GMDS: variants seen among roughly 807,000 people sequenced by gnomAD.
GMDS encodes GDP-mannose 4,6 dehydratase.
A neutral mutation model predicts 49.9 loss-of-function variants in GMDS; 20 were observed. The observed-to-expected ratio is 0.40, with a 90% confidence interval of 0.28 to 0.58. The LOEUF is 0.58. Ranked by LOEUF, GMDS falls within the 20% of genes least tolerant of loss-of-function variation. The probability of loss-of-function intolerance (pLI) is 0.42; values close to 1 mark genes in which losing one functional copy is unlikely to be tolerated. For missense variants in GMDS, 362 were observed against 481.4 expected, an observed-to-expected ratio of 0.75 and a Z score of 2.32; for synonymous variants, 177 against 178.6, an observed-to-expected ratio of 0.99 and a Z score of 0.07.
intron 7 of GMDS, among the ~76,000 whole-genome samples, chr6:1,777,801 G>T (rs1308767914): frequency 6.6e-6 from 1 of 152,170 alleles, no homozygotes; most frequent in African/African-American, 2.4e-5. Flanking sequence ...AATGCAAACT[G>T]TTCTCAGCAG....
intron 4 of GMDS, among the ~76,000 whole-genome samples, chr6:2,014,460 T>A (rs947609558): frequency 6.6e-6 from 1 of 152,124 alleles, no homozygotes; most frequent in African/African-American, 2.4e-5. Context: ...TACTCTGTTA[T>A]AAAGTACATG....
chr6:2,127,557 C>A (rs928570621), intron 1 of GMDS, among the ~76,000 whole-genome samples: 4 of 152,234 alleles, frequency 2.6e-5, no homozygotes, highest in Admixed American at 2.0e-4. Flanking sequence ...GCTTCTCAGA[C>A]TTTCCAACCA....
chr6:2,046,132 G>C (rs1156725718), intron 4 of GMDS, among the ~76,000 whole-genome samples: 1 of 152,158 alleles, frequency 6.6e-6, no homozygotes, highest in Non-Finnish European at 1.5e-5. Flanking sequence ...AGGATCGCTT[G>C]AGCCCAGGGA....
At chr6:2,179,975 G>A (rs1778448543) in intron 1 of GMDS, among the ~76,000 whole-genome samples, 1 of 147,930 alleles carries the variant, frequency 6.8e-6, no homozygotes, top group South Asian at 2.3e-4. Flanking sequence ...AGATGAGAAA[G>A]ATGCATTGTA....
rs192191277 is a variant in GMDS, at chr6:1,971,825, G to A, written c.346-10859C>T. Among the ~76,000 whole-genome samples the A allele has an allele frequency of 7.2e-5, 11 of 152,306 alleles. No homozygotes were observed. The East Asian group carries it at 1.2e-3, about 16-fold the overall frequency. On this transcript the variant is annotated intron_variant, in intron 4 of 10. Coordinates refer to ENST00000380815, the MANE Select transcript of GMDS (RefSeq NM_001500.4). Reference sequence around the variant, plus strand: ...GTGTTTACATTTTAGCCACAGAGGCGAATTGGAGCTCTCACAAGTCAGAGT... The same window carrying A: ...GTGTTTACATTTTAGCCACAGAGGCAAATTGGAGCTCTCACAAGTCAGAGT...
At chr6:2,244,715 C>T (rs1384517812) in intron 1 of GMDS, among the ~76,000 whole-genome samples, 1 of 152,188 alleles carries the variant, frequency 6.6e-6, no homozygotes, top group Non-Finnish European at 1.5e-5. Flanking sequence ...ATGTGTCAAC[C>T]TGAATCTCAG....
chr6:2,151,614 AC>A (rs1450961060), intron 1 of GMDS, among the ~76,000 whole-genome samples: 2 of 152,078 alleles, frequency 1.3e-5, no homozygotes, highest in African/African-American at 4.8e-5. Context: ...CAGTATTATC[AC>A]CAGTACTGTT....
chr6:1,707,682 A>G (rs1211320652), intron 9 of GMDS, among the ~76,000 whole-genome samples: 1 of 152,126 alleles, frequency 6.6e-6, no homozygotes, highest in Non-Finnish European at 1.5e-5. Context: ...GCAGCCTGGC[A>G]TGGCCCACCA....
intron 9 of GMDS, among the ~76,000 whole-genome samples, chr6:1,664,410 C>T (rs145830294): frequency 6.6e-6 from 1 of 152,340 alleles, no homozygotes; most frequent in Non-Finnish European, 1.5e-5. Context: ...AGTGTTCTTA[C>T]AACTTCATCG....
intron 7 of GMDS, among the ~76,000 whole-genome samples, chr6:1,898,373 T>C (rs1283040376): frequency 6.6e-6 from 1 of 152,246 alleles, no homozygotes; most frequent in African/African-American, 2.4e-5. Context: ...TTGAGTCTCT[T>C]TAAGATGAGG....
intron 9 of GMDS, among the ~76,000 whole-genome samples, chr6:1,676,854 T>C (rs1764640705): frequency 6.6e-6 from 1 of 152,134 alleles, no homozygotes; most frequent in South Asian, 2.1e-4. Context: ...GGCAATACCA[T>C]TCAGGACATA....
intron 7 of GMDS, among the ~76,000 whole-genome samples, chr6:1,855,278 A>G (rs902956621): frequency 3.3e-5 from 5 of 152,200 alleles, no homozygotes; most frequent in African/African-American, 1.2e-4. Context: ...ATTCACATCA[A>G]CATCTTCTCT....
At chr6:2,000,936 T>C (rs543601431) in intron 4 of GMDS, among the ~76,000 whole-genome samples, 1 of 152,360 alleles carries the variant, frequency 6.6e-6, no homozygotes, top group East Asian at 1.9e-4. Flanking sequence ...TTTTAGCTGC[T>C]ATGAGTAGCA....
At chr6:2,231,697 G>T (rs1347202125) in intron 1 of GMDS, among the ~76,000 whole-genome samples, 2 of 152,300 alleles carry the variant, frequency 1.3e-5, no homozygotes, top group East Asian at 1.9e-4. Context: ...CAGGAAGAAT[G>T]AAGTATTATA....
chr6:1,748,736 T>C (rs1464847262), intron 7 of GMDS, among the ~76,000 whole-genome samples: 3 of 152,266 alleles, frequency 2.0e-5, no homozygotes, highest in Non-Finnish European at 2.9e-5. Context: ...ATAAAACAGT[T>C]ACAGGGCCCA....
chr6:1,807,888 A>G (rs1348353741), intron 7 of GMDS, among the ~76,000 whole-genome samples: 1 of 152,232 alleles, frequency 6.6e-6, no homozygotes, highest in African/African-American at 2.4e-5. Flanking sequence ...AAAAAATTAT[A>G]AACTGGACTT....
intron 1 of GMDS, among the ~76,000 whole-genome samples, chr6:2,227,216 T>C (rs1432850834): frequency 6.6e-6 from 1 of 152,162 alleles, no homozygotes; most frequent in African/African-American, 2.4e-5. Flanking sequence ...GTCATATATA[T>C]ATATAAAATG....
At chr6:2,202,473 T>C (rs914181377) in intron 1 of GMDS, among the ~76,000 whole-genome samples, 2 of 151,614 alleles carry the variant, frequency 1.3e-5, no homozygotes, top group Admixed American at 6.6e-5. Flanking sequence ...TTCTCTGACA[T>C]TGATATGCTT....
chr6:2,102,993 G>A (rs1406591060), intron 4 of GMDS, among the ~76,000 whole-genome samples: 2 of 152,198 alleles, frequency 1.3e-5, no homozygotes, highest in Non-Finnish European at 2.9e-5. Context: ...ACAGTAGACT[G>A]CTTAAAACAG....
Sources: gnomAD v4.1 joint callset for allele counts (sites outside exome capture counted in the v4.1 genomes callset) on GRCh38, gnomAD v4.1.1 for gene constraint, MANE v1.5 for transcripts, NCBI Gene and HGNC (gene_info 2026-07-23, HGNC 2026-07-21) for gene names.